Variants in UMPS observed in about 807,000 individuals in gnomAD.
UMPS encodes uridine monophosphate synthetase.
UMPS carries 21 observed loss-of-function variants against 38.9 expected under a neutral mutation model. The observed-to-expected ratio is 0.54, with a 90% CI of 0.38 to 0.78. UMPS has a LOEUF of 0.78. Among genes scored for constraint, UMPS ranks in the 30% least tolerant of loss-of-function variants. UMPS has a pLI of 0.00. For synonymous variants in UMPS, 208 were observed against 219.3 expected (o/e 0.95, Z 0.45); for missense variants, 533 against 591.6 (o/e 0.90, Z 1.03).
At chr3:124,739,294 C>T (rs571941561) in intron 3 of UMPS, among the ~76,000 whole-genome samples, 1 of 152,270 alleles carries the variant, frequency 6.6e-6, no homozygotes, top group African/African-American at 2.4e-5. Context: ...GAGACCCCTG[C>T]AGAGTGAAAA....
Position 124,748,734 on chromosome 3 carries a change from G to A in UMPS, c.*4650G>A. Reference sequence around the variant, plus strand: ...CTGGGGTTGGGGGGAGCCCAGGAGAGCAGGAAGATCCAGAGATCCCTCGCC... The same window carrying A: ...CTGGGGTTGGGGGGAGCCCAGGAGAACAGGAAGATCCAGAGATCCCTCGCC... On this transcript the variant is annotated 3_prime_UTR_variant, in exon 6 of 6. Coordinates refer to ENST00000232607, the MANE Select transcript of UMPS (RefSeq NM_000373.4). 2.3e-6 allele frequency: 1 copy of A among 437,670 alleles called. No individual in the cohort carries two copies. Among genetic ancestry groups the A allele is most frequent in the Non-Finnish European group, 4.6e-6 (1 of 218,844 alleles). The allele number at this position is 437,670 out of a possible 1,614,324, so 27.1% of individuals were successfully genotyped here.
At position 124,737,769 on chromosome 3, in the gene UMPS, A is replaced by G. The variant is rs1194387987; in HGVS notation, c.512A>G (p.His171Arg). 1 of 1,614,232 alleles carries G rather than the reference A, an allele frequency of 6.2e-7. No homozygotes were observed. Among genetic ancestry groups the G allele is most frequent in the Non-Finnish European group, 8.5e-7 (1 of 1,180,044 alleles). The change falls in exon 3 of 6, where the codon CAC becomes CGC. Residue 171 changes from histidine to arginine, a missense_variant. Transcript: ENST00000232607. ...DKLQAHGIRL[H>R]SVCTLSKMLE... ...TTGCAGGCGCACGGGATCCGCCTCC[A>G]CTCAGTGTGTACATTGTCCAAAATG...
chr3:124,740,033 T>G lies in UMPS; in HGVS notation c.992T>G (p.Phe331Cys). The change falls in exon 4 of 6, where the codon TTT becomes TGT. Residue 331 changes from phenylalanine to cysteine, a missense_variant. By Grantham distance (205) the Phe-to-Cys change is radical. Coordinates refer to ENST00000232607, the MANE Select transcript of UMPS (RefSeq NM_000373.4). ...TCCCCCTTCTTCTTAGGAGGTATCTTTAAAATAGCTTCCTGGGCAGATCTA... is the reference window on the plus strand; with the variant it reads ...TCCCCCTTCTTCTTAGGAGGTATCTGTAAAATAGCTTCCTGGGCAGATCTA... ...TVKKQYEGGI[F>C]KIASWADLVN... 6.2e-7 allele frequency: 1 copy of G among 1,614,208 alleles called. No individual in the cohort carries two copies. Among genetic ancestry groups the G allele is most frequent in the South Asian group, 1.1e-5 (1 of 91,076 alleles).
chr3:124,748,767 G>C lies in UMPS; in HGVS notation c.*4683G>C, dbSNP rs1451153408. 4.8e-6 allele frequency: 2 copies of C among 414,540 alleles called. No individual in the cohort carries two copies. Among genetic ancestry groups the C allele is most frequent in the Non-Finnish European group, 9.6e-6 (2 of 208,186 alleles). 25.7% of individuals were successfully genotyped at this position (414,540 alleles called of 1,614,324 possible). On this transcript the variant is annotated 3_prime_UTR_variant, in exon 6 of 6. Transcript: ENST00000232607. ...ATCCAGAGATCCCTCGCCCCAGCTCGGCCATGTGTGTCTGGGACAGAGCCT... is the reference window on the plus strand; with the variant it reads ...ATCCAGAGATCCCTCGCCCCAGCTCCGCCATGTGTGTCTGGGACAGAGCCT...
At chr3:124,736,065 T>G (rs1462558728) in intron 2 of UMPS, among the ~76,000 whole-genome samples, 2 of 152,114 alleles carry the variant, frequency 1.3e-5, no homozygotes, top group Non-Finnish European at 2.9e-5. Flanking sequence ...GAGGATAGCT[T>G]GAGCCCAGGA....
At chr3:124,740,295 C>CA in intron 4 of UMPS, 96 bp downstream of exon 4, 1 of 1,304,232 alleles carries the variant, frequency 7.7e-7, no homozygotes, top group Non-Finnish European at 1.1e-6. Flanking sequence ...GGAACCTCTG[C>CA]CAAAAAAAAA....
chr3:124,730,869 A>G (rs1250743019), intron 1 of UMPS, among the ~76,000 whole-genome samples: 1 of 152,184 alleles, frequency 6.6e-6, no homozygotes, highest in East Asian at 1.9e-4. Context: ...CGGGAAACCC[A>G]GTTTGGAACG....
rs759188574 is a variant in UMPS at position 124,748,149 on chromosome 3, C to T, written c.*4065C>T. The T allele has an allele frequency of 9.1e-5, 40 of 440,188 alleles. 1 individual carries two copies. Among genetic ancestry groups the T allele is most frequent in the Middle Eastern group, 1.4e-3 (2 of 1,408 alleles). 27.3% of individuals were successfully genotyped at this position (440,188 alleles called of 1,614,324 possible). Reference sequence around the variant, plus strand: ...AATACTATATTGCCCAGGCTGGTCTCGAACTCCTTAGCTCAAGTGATCCTC... The same window carrying T: ...AATACTATATTGCCCAGGCTGGTCTTGAACTCCTTAGCTCAAGTGATCCTC... On this transcript the variant is annotated 3_prime_UTR_variant, in exon 6 of 6. Coordinates refer to ENST00000232607, the MANE Select transcript of UMPS (RefSeq NM_000373.4).
In UMPS at chr3:124,735,008, G is replaced by A. The variant is rs1198236232; in HGVS notation, c.157-85G>A. ...TGCATTCCAGCCTGGGCAACAGGGC[G>A]AGACTCCATCTCAAAAAATAAAAAA... On this transcript the variant is annotated intron_variant, in intron 1 of 5. Transcript: ENST00000232607. 1.5e-5 allele frequency: 20 copies of A among 1,295,600 alleles called. No homozygotes were observed. The Admixed American group carries it at 2.1e-4, about 14-fold the overall frequency. 80.3% of individuals were successfully genotyped at this position (1,295,600 alleles called of 1,614,324 possible). A position where few individuals can be genotyped will look rare whatever the true frequency, so the allele number is the denominator to read the frequency against.
chr3:124,738,281 G>C (rs2063531964), intron 3 of UMPS, 42 bp downstream of exon 3: 1 of 1,598,176 alleles, frequency 6.3e-7, no homozygotes, highest in African/African-American at 1.3e-5. Flanking sequence ...CAGAAATCCA[G>C]CTTAAACTGA....
At chr3:124,740,790 TGAAAAA>T (rs2150899510) in intron 4 of UMPS, among the ~76,000 whole-genome samples, 1 of 151,672 alleles carries the variant, frequency 6.6e-6, no homozygotes, top group African/African-American at 2.4e-5. Context: ...TACAAAAAAA[TGAAAAA>T]GAAAATAACC....
chr3:124,746,542 T>G lies in UMPS; in HGVS notation c.*2458T>G, dbSNP rs2063599746. The G allele has an allele frequency of 4.4e-6, 2 of 454,032 alleles. No homozygotes were observed. The highest frequency in any genetic ancestry group is 8.8e-6 in the Non-Finnish European group (2 of 226,802). 28.1% of individuals were successfully genotyped at this position (454,032 alleles called of 1,614,324 possible). On this transcript the variant is annotated 3_prime_UTR_variant, in exon 6 of 6. Coordinates refer to ENST00000232607, the MANE Select transcript of UMPS (RefSeq NM_000373.4). ...CGCTGTTCTTCAGCATTGAAGTATT[T>G]TGGAGGCATTAGATAGTTTAACCCT... is the stretch of plus-strand genomic sequence containing the variant.
rs571206102 is a variant in UMPS at position 124,748,947 on chromosome 3, C to T, written c.*4863C>T. 9 of 452,910 alleles carry T rather than the reference C, an allele frequency of 2.0e-5. No individual in the cohort carries two copies. Among genetic ancestry groups the T allele is most frequent in the Admixed American group, 7.1e-5 (3 of 42,504 alleles). 28.1% of individuals were successfully genotyped at this position (452,910 alleles called of 1,614,324 possible). On this transcript the variant is annotated 3_prime_UTR_variant, in exon 6 of 6. Transcript: ENST00000232607. ...GTAAGGACAGTCAGTGGGAAGTGGA[C>T]GGGCCGCACAACCAAGGTTCTCATG...
At chr3:124,735,799 A>C (rs2063514202) in intron 2 of UMPS, among the ~76,000 whole-genome samples, 1 of 151,904 alleles carries the variant, frequency 6.6e-6, no homozygotes, top group Admixed American at 6.6e-5. Flanking sequence ...CAACGTGGTA[A>C]AACTCCGTCT....
At chr3:124,737,283 T>A in intron 2 of UMPS, 2 of 341,682 alleles carry the variant, frequency 5.9e-6, no homozygotes, top group South Asian at 6.9e-5. Flanking sequence ...ACCTCTCTAT[T>A]TGAAAATTTG....
rs1264306291 is a variant in UMPS, at chr3:124,746,999, G to T, written c.*2915G>T. ...ATCTGCCAAAAGTAGGCCGAGGGCTGGTTTTTTGTTTTGTTTTGTTTGTTT... is the reference window on the plus strand; with the variant it reads ...ATCTGCCAAAAGTAGGCCGAGGGCTTGTTTTTTGTTTTGTTTTGTTTGTTT... On this transcript the variant is annotated 3_prime_UTR_variant, in exon 6 of 6. Transcript: ENST00000232607. 8.9e-6 allele frequency: 4 copies of T among 450,550 alleles called. No homozygotes were observed. The highest frequency in any genetic ancestry group is 1.8e-5 in the Non-Finnish European group (4 of 225,710). 27.9% of individuals were successfully genotyped at this position (450,550 alleles called of 1,614,324 possible).
chr3:124,748,833 A>G lies in UMPS; in HGVS notation c.*4749A>G. The stretch of plus-strand genomic sequence containing the variant: ...TCCTGTGGCTCCAGAGTAACATTAT[A>G]GAGAAGCTGAATTCTCCTGTTTTTC... On this transcript the variant is annotated 3_prime_UTR_variant, in exon 6 of 6. Transcript: ENST00000232607. 2 of 409,596 alleles carry G rather than the reference A, an allele frequency of 4.9e-6. No individual in the cohort carries two copies. The highest frequency in any genetic ancestry group is 3.6e-5 in the South Asian group (2 of 55,044). The allele number at this position is 409,596 out of a possible 1,614,324, so 25.4% of individuals were successfully genotyped here. A position where few individuals can be genotyped will look rare whatever the true frequency, so the allele number is the denominator to read the frequency against.
chr3:124,745,078 G>A lies in UMPS; in HGVS notation c.*994G>A, dbSNP rs1188092904. 2.2e-6 allele frequency: 1 copy of A among 454,142 alleles called. No individual in the cohort carries two copies. The highest frequency in any genetic ancestry group is 2.3e-5 in the Admixed American group (1 of 42,580). The allele number at this position is 454,142 out of a possible 1,614,324, so 28.1% of individuals were successfully genotyped here. ...CTTCCTGTGACTGACTTCACAATTA[G>A]GAGGTCTAAGATTCCATTTGGGTAT... On this transcript the variant is annotated 3_prime_UTR_variant, in exon 6 of 6. Transcript: ENST00000232607.
chr3:124,738,168 G>A lies in UMPS; in HGVS notation c.911G>A (p.Cys304Tyr), dbSNP rs2150897187. 1 of 1,614,188 alleles carries A rather than the reference G, an allele frequency of 6.2e-7. No individual in the cohort carries two copies. Among genetic ancestry groups the A allele is most frequent in the Non-Finnish European group, 8.5e-7 (1 of 1,180,040 alleles). The change falls in exon 3 of 6, where the codon TGC becomes TAC. Residue 304 changes from cysteine to tyrosine, a missense_variant. Coordinates refer to ENST00000232607, the MANE Select transcript of UMPS (RefSeq NM_000373.4). ...AAGGAGTTGATAACTCTGGCAAAAT[G>A]CCATGAGTTCTTGATATTTGAAGAC... is the stretch of plus-strand genomic sequence containing the variant. Reference protein sequence around the residue: ...VMKELITLAKCHEFLIFEDRK... With the variant: ...VMKELITLAKYHEFLIFEDRK...
Sources: allele counts gnomAD v4.1 joint callset (sites outside exome capture counted in the v4.1 genomes callset), GRCh38; gene constraint gnomAD v4.1.1; transcripts MANE v1.5; gene names NCBI Gene and HGNC (gene_info 2026-07-23, HGNC 2026-07-21).